SNTG1: variants seen among roughly 807,000 people sequenced by gnomAD.
SNTG1 encodes the protein syntrophin gamma 1.
In SNTG1, 39 loss-of-function variants were observed where a neutral mutation model predicts 74.7. The ratio of observed to expected loss-of-function variants is 0.52; its 90% CI spans 0.40 to 0.68. The LOEUF (loss-of-function observed/expected upper bound fraction) is 0.68. Among genes scored for constraint, SNTG1 ranks in the 30% least tolerant of loss-of-function variants. SNTG1 has a pLI of 0.00. For synonymous variants in SNTG1, 254 were observed against 217.1 expected (o/e 1.17, Z -1.49); for missense variants, 685 against 609.5 (o/e 1.12, Z -1.30).
At chr8:50,167,807 T>C (rs1277993425) in intron 1 of SNTG1, among the ~76,000 whole-genome samples, 1 of 137,852 alleles carries the variant, frequency 7.3e-6, no homozygotes, top group Non-Finnish European at 1.5e-5. Context: ...TGCAAGATTC[T>C]ATCTCAAAAA....
At chr8:50,175,497 A>G (rs531875551) in intron 2 of SNTG1, among the ~76,000 whole-genome samples, 19 of 152,344 alleles carry the variant, frequency 1.2e-4, no homozygotes, top group Non-Finnish European at 2.4e-4. Context: ...TGAAACTTCC[A>G]GAATTATTCT....
intron 2 of SNTG1, among the ~76,000 whole-genome samples, chr8:50,344,374 G>A (rs2091411427): frequency 6.6e-6 from 1 of 152,144 alleles, no homozygotes; most frequent in African/African-American, 2.4e-5. Context: ...CTGCTCCATG[G>A]TTGGTAGCTG....
chr8:50,162,492 G>C (rs1167535632), intron 1 of SNTG1, among the ~76,000 whole-genome samples: 1 of 150,766 alleles, frequency 6.6e-6, no homozygotes, highest in Admixed American at 6.6e-5. Flanking sequence ...AACCCGGGAG[G>C]TGGAGCTTGC....
At chr8:50,781,561 G>C (rs201328806) in intron 18 of SNTG1, among the ~76,000 whole-genome samples, 2 of 152,028 alleles carry the variant, frequency 1.3e-5, no homozygotes, top group Non-Finnish European at 2.9e-5. Context: ...TTCTTGGTAG[G>C]TCTTCCTCCA....
In SNTG1 at chr8:50,209,440, C is replaced by A. The variant is rs993537615; in HGVS notation, c.-28+36805C>A. On this transcript the variant is annotated intron_variant, in intron 2 of 18. Transcript: ENST00000642720. ...CTGCCTCCTCAAGTGGGTCCCTGAC[C>A]TCTGAGTAGCCTAACTGGGAGACAC... Among the ~76,000 whole-genome samples the A allele has an allele frequency of 3.3e-5, 5 of 152,192 alleles. No homozygotes were observed. The East Asian group carries it at 9.7e-4, about 29-fold the overall frequency.
At chr8:50,269,913 A>G (rs745793123) in intron 2 of SNTG1, among the ~76,000 whole-genome samples, 61 of 152,178 alleles carry the variant, frequency 4.0e-4, no homozygotes, top group Non-Finnish European at 1.6e-4. Flanking sequence ...AGTTCATGGA[A>G]CACAGGACTT....
chr8:50,707,778 G>A (rs1358608774), intron 16 of SNTG1: 3 of 283,874 alleles, frequency 1.1e-5, no homozygotes, highest in Non-Finnish European at 1.9e-5. Context: ...ATCCCACTAC[G>A]ATTTAAAATT....
chr8:50,565,175 C>T (rs1271521473), intron 12 of SNTG1, among the ~76,000 whole-genome samples: 2 of 151,864 alleles, frequency 1.3e-5, no homozygotes, highest in Non-Finnish European at 2.9e-5. Flanking sequence ...CTGACAATGT[C>T]TTCAAAAATA....
At chr8:50,328,740 C>T (rs935797737) in intron 2 of SNTG1, among the ~76,000 whole-genome samples, 4 of 152,204 alleles carry the variant, frequency 2.6e-5, no homozygotes, top group South Asian at 2.1e-4. Context: ...CAGAACCAAA[C>T]GATATCATTC....
At chr8:50,112,286 G>A (rs535136890) in intron 1 of SNTG1, among the ~76,000 whole-genome samples, 7 of 151,782 alleles carry the variant, frequency 4.6e-5, no homozygotes, top group Non-Finnish European at 1.0e-4. Context: ...AAACCAGGTA[G>A]GTATGATTTC....
chr8:50,238,418 T>C (rs915639828), intron 2 of SNTG1, among the ~76,000 whole-genome samples: 1 of 152,108 alleles, frequency 6.6e-6, no homozygotes, highest in Non-Finnish European at 1.5e-5. Context: ...ATAAACGATG[T>C]TGGGATGACT....
At chr8:50,413,938 G>A (rs994851938) in intron 4 of SNTG1, among the ~76,000 whole-genome samples, 1 of 152,040 alleles carries the variant, frequency 6.6e-6, no homozygotes, top group Admixed American at 6.6e-5. Flanking sequence ...TTGCCTCATA[G>A]TATTTTACAT....
At chr8:50,368,814 T>C (rs1236931734) in intron 2 of SNTG1, among the ~76,000 whole-genome samples, 2 of 152,212 alleles carry the variant, frequency 1.3e-5, no homozygotes, top group Non-Finnish European at 2.9e-5. Flanking sequence ...TGCTAGGTTT[T>C]CTGCTTTCAT....
At chr8:50,677,957 A>G (rs1024041720) in intron 15 of SNTG1, among the ~76,000 whole-genome samples, 5 of 151,942 alleles carry the variant, frequency 3.3e-5, no homozygotes, top group African/African-American at 1.2e-4. Flanking sequence ...GGAGGGGAAC[A>G]ACATACACCA....
At chr8:49,972,414 T>G (rs1446469824) in intron 1 of SNTG1, among the ~76,000 whole-genome samples, 2 of 152,132 alleles carry the variant, frequency 1.3e-5, no homozygotes, top group East Asian at 1.9e-4. Context: ...ATAAAAACCC[T>G]AGAAGAAAAC....
intron 18 of SNTG1, among the ~76,000 whole-genome samples, chr8:50,790,703 A>G (rs2095688403): frequency 6.6e-6 from 1 of 151,790 alleles, no homozygotes; most frequent in Admixed American, 6.6e-5. Context: ...TCTTCTAATC[A>G]CCTGCTATTA....
chr8:50,541,258 T>TGG (rs1460087432), intron 11 of SNTG1, among the ~76,000 whole-genome samples: 4 of 151,778 alleles, frequency 2.6e-5, no homozygotes, highest in African/African-American at 9.7e-5. Context: ...TGTGTGTGTG[T>TGG]GTGTGTGTGT....
At position 50,528,286 on chromosome 8, in the gene SNTG1, T is replaced by G. The variant is rs7011304; in HGVS notation, c.467-1891T>G. 5.8e-3 allele frequency among the ~76,000 whole-genome samples: 884 copies of G among 152,096 alleles called. 11 individuals are homozygous for G. The highest frequency in any genetic ancestry group is 0.02 in the African/African-American group (833 of 41,580). On this transcript the variant is annotated intron_variant, in intron 9 of 18. Coordinates refer to ENST00000642720, the MANE Select transcript of SNTG1 (RefSeq NM_018967.5). The stretch of plus-strand genomic sequence containing the variant: ...TATCGGATATAGGTTTTTAAAGATG[T>G]TCTTTATCAGATAGAGGAGCACATC...
intron 17 of SNTG1, among the ~76,000 whole-genome samples, chr8:50,730,447 C>T (rs936149072): frequency 2.6e-5 from 4 of 152,136 alleles, no homozygotes; most frequent in African/African-American, 9.7e-5. Flanking sequence ...TGGCACTACT[C>T]AGCACTCTGT....
Sources: gnomAD v4.1 joint callset for allele counts (sites outside exome capture counted in the v4.1 genomes callset) on GRCh38, gnomAD v4.1.1 for gene constraint, MANE v1.5 for transcripts, NCBI Gene and HGNC (gene_info 2026-07-23, HGNC 2026-07-21) for gene names.